The following SPOCK3 variants were observed in gnomAD, a reference collection of about 807,000 sequenced individuals.
The protein encoded by SPOCK3 is testican-3.
In SPOCK3, 30 loss-of-function variants were observed where a neutral mutation model predicts 56.6. The observed-to-expected ratio is 0.53, with a 90% confidence interval of 0.40 to 0.72. The LOEUF is 0.72. Ranked by LOEUF, SPOCK3 falls within the 30% of genes least tolerant of loss-of-function variation. SPOCK3 has a pLI of 0.00. For synonymous variants in SPOCK3, 196 were observed against 183.3 expected (o/e 1.07, Z -0.56); for missense variants, 527 against 530.0 (o/e 0.99, Z 0.06).
intron 2 of SPOCK3, among the ~76,000 whole-genome samples, chr4:167,113,879 T>C (rs1761118190): frequency 6.6e-6 from 1 of 152,084 alleles, no homozygotes. Flanking sequence ...CATTTGCTGC[T>C]TCCCACTCTC....
intron 2 of SPOCK3, among the ~76,000 whole-genome samples, chr4:167,148,775 T>C (rs114711261): frequency 0.017 from 2,556 of 152,228 alleles, 73 homozygotes; most frequent in African/African-American, 0.059. Context: ...GTGCCTTCCT[T>C]GAAACCAAAA....
intron 3 of SPOCK3, among the ~76,000 whole-genome samples, chr4:167,006,357 G>A (rs1447940620): frequency 6.6e-6 from 1 of 152,088 alleles, no homozygotes; most frequent in African/African-American, 2.4e-5. Flanking sequence ...CCTGTGATCA[G>A]CTGACCTTTA....
At chr4:167,021,466 T>C (rs1751163454) in intron 3 of SPOCK3, among the ~76,000 whole-genome samples, 1 of 152,040 alleles carries the variant, frequency 6.6e-6, no homozygotes, top group Non-Finnish European at 1.5e-5. Context: ...CTGGCTCTTA[T>C]TTCTTCCCAG....
At chr4:167,202,842 T>C (rs1733651762) in intron 2 of SPOCK3, among the ~76,000 whole-genome samples, 1 of 151,856 alleles carries the variant, frequency 6.6e-6, no homozygotes, top group South Asian at 2.1e-4. Flanking sequence ...TATTAAGATG[T>C]AGATAAAGGG....
At chr4:166,873,337 A>T (rs78517085) in intron 6 of SPOCK3, among the ~76,000 whole-genome samples, 1,886 of 152,282 alleles carry the variant, frequency 0.012, 39 homozygotes, top group African/African-American at 0.043. Context: ...TTGTCATTAT[A>T]AATTTCTCCA....
chr4:166,735,255 T>C (rs370645128), intron 10 of SPOCK3, among the ~76,000 whole-genome samples, 165 bp from the exon 11 acceptor site: 4 of 152,056 alleles, frequency 2.6e-5, no homozygotes, highest in Non-Finnish European at 5.9e-5. Flanking sequence ...AATTATCACA[T>C]GTTAAAAATC....
intron 6 of SPOCK3, among the ~76,000 whole-genome samples, chr4:166,842,246 T>G (rs2126836396): frequency 6.6e-6 from 1 of 152,336 alleles, no homozygotes; most frequent in South Asian, 2.1e-4. Context: ...AGCACGTTGC[T>G]TTTGCTGGCT....
At chr4:166,754,405 C>A in intron 8 of SPOCK3, 103 bp downstream of exon 8, 16 of 1,421,994 alleles carry the variant, frequency 1.1e-5, no homozygotes, top group Non-Finnish European at 1.5e-5. Context: ...CAAAAACATA[C>A]ACAAAATGAA....
chr4:167,169,522 C>T (rs965242808), intron 2 of SPOCK3, among the ~76,000 whole-genome samples: 2 of 152,162 alleles, frequency 1.3e-5, no homozygotes, highest in African/African-American at 4.8e-5. Context: ...TGTATTTATC[C>T]AATGCCTATA....
At chr4:167,059,661 C>T (rs1376124242) in intron 3 of SPOCK3, among the ~76,000 whole-genome samples, 2 of 151,992 alleles carry the variant, frequency 1.3e-5, no homozygotes, top group Non-Finnish European at 2.9e-5. Flanking sequence ...GGTATATACC[C>T]AAAGGACTAT....
chr4:166,947,372 C>A (rs555147667), intron 4 of SPOCK3, among the ~76,000 whole-genome samples: 1 of 152,216 alleles, frequency 6.6e-6, no homozygotes, highest in Admixed American at 6.5e-5. Flanking sequence ...TCTAAAAATT[C>A]CATAGCACAA....
intron 10 of SPOCK3, 28 bp from the exon 11 acceptor site, chr4:166,735,118 C>A (rs764578047): frequency 4.9e-6 from 7 of 1,426,860 alleles, no homozygotes; most frequent in Non-Finnish European, 5.8e-6. Context: ...TAAACATAAC[C>A]TTTATTTGAC....
intron 8 of SPOCK3, among the ~76,000 whole-genome samples, chr4:166,752,581 C>T (rs1336043213): frequency 0.014 from 241 of 17,722 alleles, 1 homozygote; most frequent in African/African-American, 0.09. Flanking sequence ...TATACACACA[C>T]ACACACACAC....
At chr4:167,163,832 G>T (rs879790518) in intron 2 of SPOCK3, among the ~76,000 whole-genome samples, 2 of 152,006 alleles carry the variant, frequency 1.3e-5, no homozygotes, top group Non-Finnish European at 2.9e-5. Flanking sequence ...AAGTTAGTAT[G>T]ATCCAGAAAA....
intron 2 of SPOCK3, among the ~76,000 whole-genome samples, chr4:167,214,974 T>C (rs1318407091): frequency 6.6e-6 from 1 of 150,894 alleles, no homozygotes; most frequent in East Asian, 1.9e-4. Context: ...TACATATATA[T>C]ATTTACTGTA....
rs1309909618 is a variant in SPOCK3, at chr4:166,733,554, T to A, written c.*1367A>T. 1 of 151,876 alleles carries A rather than the reference T, an allele frequency of 6.6e-6. No homozygotes were observed. The highest frequency in any genetic ancestry group is 1.5e-5 in the Non-Finnish European group (1 of 67,784). The allele number at this position is 151,876 out of a possible 1,614,324, so 9.4% of individuals were successfully genotyped here. A position where few individuals can be genotyped will look rare whatever the true frequency, so the allele number is the denominator to read the frequency against. Reference sequence around the variant, plus strand: ...ATGAATTGTATACTGGGAAACCAGTTTACCCACTGTTGAAATTAAAGATAC... The same window carrying A: ...ATGAATTGTATACTGGGAAACCAGTATACCCACTGTTGAAATTAAAGATAC... On this transcript the variant is annotated 3_prime_UTR_variant, in exon 11 of 11. Transcript: ENST00000357545.
At chr4:166,978,415 G>A (rs1054661426) in intron 4 of SPOCK3, among the ~76,000 whole-genome samples, 1 of 152,082 alleles carries the variant, frequency 6.6e-6, no homozygotes, top group Non-Finnish European at 1.5e-5. Flanking sequence ...ATGGTATTGG[G>A]AACAGTACAA....
intron 2 of SPOCK3, among the ~76,000 whole-genome samples, chr4:167,071,073 A>G (rs1489082135): frequency 6.6e-6 from 1 of 151,956 alleles, no homozygotes; most frequent in Non-Finnish European, 1.5e-5. Context: ...CCATTGGGAC[A>G]ATTCCTCATT....
chr4:166,745,612 C>T (rs10000273), intron 8 of SPOCK3, among the ~76,000 whole-genome samples: 122,142 of 151,696 alleles, frequency 0.81, 49,418 homozygotes, highest in African/African-American at 0.84. Flanking sequence ...AACATCATAA[C>T]GATAGGATCA....
Sources: gnomAD v4.1 joint callset for allele counts (sites outside exome capture counted in the v4.1 genomes callset) on GRCh38, gnomAD v4.1.1 for gene constraint, MANE v1.5 for transcripts, NCBI Gene and HGNC (gene_info 2026-07-23, HGNC 2026-07-21) for gene names.